Variants in SMYD3 observed in about 807,000 individuals in gnomAD.
SMYD3 encodes the protein histone-lysine N-methyltransferase SMYD3.
In SMYD3, 36 loss-of-function variants were observed where a neutral mutation model predicts 57.7. The observed-to-expected ratio is 0.62, with a 90% CI of 0.48 to 0.82. SMYD3 has a LOEUF of 0.82. Among genes scored for constraint, SMYD3 ranks in the 40% least tolerant of loss-of-function variants. The probability of loss-of-function intolerance (pLI) is 0.00; values close to 1 mark genes in which losing one functional copy is unlikely to be tolerated. For missense variants in SMYD3, 515 were observed against 538.8 expected (o/e 0.96, Z 0.44); for synonymous variants, 211 against 195.0 (o/e 1.08, Z -0.68).
intron 1 of SMYD3, among the ~76,000 whole-genome samples, chr1:246,470,826 T>C (rs1484692717): frequency 6.6e-6 from 1 of 152,090 alleles, no homozygotes; most frequent in Non-Finnish European, 1.5e-5. Flanking sequence ...TCAAAAGTAC[T>C]GTGTGAATGT....
intron 10 of SMYD3, among the ~76,000 whole-genome samples, chr1:245,855,051 T>C (rs2051168614): frequency 6.6e-6 from 1 of 152,212 alleles, no homozygotes; most frequent in African/African-American, 2.4e-5. Context: ...TGTTTATCTT[T>C]AAGGAGTGGG....
intron 1 of SMYD3, among the ~76,000 whole-genome samples, chr1:246,498,455 C>T (rs1021801927): frequency 5.9e-5 from 9 of 152,018 alleles, no homozygotes; most frequent in South Asian, 2.1e-4. Flanking sequence ...ACATATAGGC[C>T]GGGCACAGTG....
At position 246,089,088 on chromosome 1, in the gene SMYD3, C is replaced by G. The variant is rs372229815; in HGVS notation, c.532-159151G>C. Among the ~76,000 whole-genome samples, 255 of 152,188 alleles carry G rather than the reference C, an allele frequency of 1.7e-3. 2 individuals are homozygous for G. The highest frequency in any genetic ancestry group is 5.8e-3 in the African/African-American group (241 of 41,508). On this transcript the variant is annotated intron_variant, in intron 5 of 11. Coordinates refer to ENST00000490107, the MANE Select transcript of SMYD3 (RefSeq NM_001167740.2). ...GGCCTCCTGGGTTCAAGAGATCCTC[C>G]TACCTCAACCTCCCAAGTACCTGGG...
intron 10 of SMYD3, among the ~76,000 whole-genome samples, chr1:245,837,312 C>T (rs1403991639): frequency 8.6e-5 from 13 of 151,536 alleles, no homozygotes; most frequent in Admixed American, 6.6e-4. Context: ...AGCTGGGAGA[C>T]GGGTCCTAGA....
chr1:246,146,428 CA>C (rs1244610919), intron 5 of SMYD3, among the ~76,000 whole-genome samples: 1 of 152,164 alleles, frequency 6.6e-6, no homozygotes, highest in Non-Finnish European at 1.5e-5. Context: ...GAGTTAACGA[CA>C]AGGGTTTGGG....
intron 8 of SMYD3, among the ~76,000 whole-genome samples, chr1:245,890,923 G>C (rs148713399): frequency 3.0e-4 from 46 of 152,300 alleles, no homozygotes; most frequent in Non-Finnish European, 4.9e-4. Context: ...GCAACAGCAA[G>C]GATGGAATGG....
chr1:246,466,501 G>A (rs2067883153), intron 1 of SMYD3, among the ~76,000 whole-genome samples: 2 of 152,230 alleles, frequency 1.3e-5, no homozygotes, highest in South Asian at 4.1e-4. Context: ...CATAAAGAGG[G>A]ACAACAGACA....
chr1:245,883,151 T>C (rs1313464349), intron 8 of SMYD3, among the ~76,000 whole-genome samples: 1 of 152,176 alleles, frequency 6.6e-6, no homozygotes. Context: ...TGAAGCTCTA[T>C]TAATACTAAA....
chr1:246,035,521 G>C (rs1415709925), intron 5 of SMYD3: 1 of 152,178 alleles, frequency 6.6e-6, no homozygotes, highest in African/African-American at 2.4e-5. Flanking sequence ...GTGAGCTACG[G>C]GCAGACAGAT....
chr1:246,030,621 C>T (rs2059654511), intron 5 of SMYD3, among the ~76,000 whole-genome samples: 1 of 152,096 alleles, frequency 6.6e-6, no homozygotes. Flanking sequence ...CTGATTTGAT[C>T]ATTACATATT....
At chr1:245,925,918 T>C (rs1224082899) in intron 7 of SMYD3, among the ~76,000 whole-genome samples, 1 of 152,146 alleles carries the variant, frequency 6.6e-6, no homozygotes, top group Non-Finnish European at 1.5e-5. Context: ...TGAAAGGGTA[T>C]CTTAGTCCAT....
At chr1:246,043,529 G>A (rs1398484953) in intron 5 of SMYD3, among the ~76,000 whole-genome samples, 3 of 152,228 alleles carry the variant, frequency 2.0e-5, no homozygotes, top group South Asian at 4.1e-4. Context: ...AATGGGACAT[G>A]AGTGTGGCTC....
At chr1:246,182,331 C>T (rs757826082) in intron 5 of SMYD3, among the ~76,000 whole-genome samples, 14 of 152,174 alleles carry the variant, frequency 9.2e-5, no homozygotes, top group Non-Finnish European at 2.1e-4. Context: ...TCCCATCTCT[C>T]GACTTCTCTA....
At chr1:245,798,157 G>A (rs2047635189) in intron 10 of SMYD3, among the ~76,000 whole-genome samples, 1 of 151,800 alleles carries the variant, frequency 6.6e-6, no homozygotes, top group Admixed American at 6.6e-5. Context: ...AAGCACAGAG[G>A]ATTCTGCACT....
chr1:245,923,573 T>C (rs1272482037), intron 7 of SMYD3, among the ~76,000 whole-genome samples: 1 of 152,144 alleles, frequency 6.6e-6, no homozygotes, highest in African/African-American at 2.4e-5. Context: ...CACCATTCTG[T>C]CCCTGGCCTC....
intron 5 of SMYD3, among the ~76,000 whole-genome samples, chr1:246,242,020 T>C (rs2063621409): frequency 6.6e-6 from 1 of 152,174 alleles, no homozygotes; most frequent in Non-Finnish European, 1.5e-5. Context: ...ATCAATTTTG[T>C]TGATCTTTCC....
intron 1 of SMYD3, among the ~76,000 whole-genome samples, chr1:246,481,607 TAC>T (rs1553354777): frequency 1.1e-4 from 7 of 61,970 alleles, no homozygotes; most frequent in Non-Finnish European, 1.7e-4. Context: ...TATATATATA[TAC>T]ACATACATAT....
chr1:246,180,840 G>T (rs922837828), intron 5 of SMYD3, among the ~76,000 whole-genome samples: 2 of 139,620 alleles, frequency 1.4e-5, no homozygotes, highest in African/African-American at 5.4e-5. Context: ...ACTATACCTA[G>T]TTTCCAGCAA....
intron 8 of SMYD3, among the ~76,000 whole-genome samples, chr1:245,881,378 A>T (rs1362050314): frequency 6.6e-6 from 1 of 152,206 alleles, no homozygotes; most frequent in Non-Finnish European, 1.5e-5. Flanking sequence ...GGCCATACTC[A>T]GTATTACAAA....
Sources: gnomAD v4.1 joint callset for allele counts (sites outside exome capture counted in the v4.1 genomes callset) on GRCh38, gnomAD v4.1.1 for gene constraint, MANE v1.5 for transcripts, NCBI Gene and HGNC (gene_info 2026-07-23, HGNC 2026-07-21) for gene names.